The following CHD8 variants were observed in gnomAD, a reference collection of about 807,000 sequenced individuals.
The protein encoded by CHD8 is ATP-dependent chromatin remodeler CHD8.
CHD8 carries 31 observed loss-of-function variants against 279.2 expected under a neutral mutation model. The ratio of observed to expected loss-of-function variants is 0.11; its 90% confidence interval spans 0.08 to 0.15. CHD8 has a LOEUF of 0.15. Among genes scored for constraint, CHD8 ranks in the 10% least tolerant of loss-of-function variants. The pLI, the probability that CHD8 is intolerant of heterozygous loss-of-function variation, is 1.00. For missense variants in CHD8, 2,146 were observed against 3,230.5 expected (o/e 0.66, Z 8.14); for synonymous variants, 1,081 against 1,139.6 (o/e 0.95, Z 1.04).
chr14:21,453,889 C>CTCAT (rs1890314585), intron 1 of CHD8, among the ~76,000 whole-genome samples: 1 of 151,794 alleles, frequency 6.6e-6, no homozygotes, highest in Admixed American at 6.5e-5. Flanking sequence ...AGAAAAGTGG[C>CTCAT]TCATGCCTGT....
chr14:21,441,103 T>C (rs554070450), intron 1 of CHD8, among the ~76,000 whole-genome samples: 1 of 152,294 alleles, frequency 6.6e-6, no homozygotes, highest in South Asian at 2.1e-4. Context: ...TGGATACTCC[T>C]GCTGGGGAAG....
Position 21,387,439 on chromosome 14 carries a change from C to G in CHD8, c.7183-1263G>C, listed in dbSNP as rs183235425. Among the ~76,000 whole-genome samples the G allele has an allele frequency of 1.6e-3, 248 of 152,024 alleles. 4 individuals are homozygous for G. The highest frequency in any genetic ancestry group is 0.013 in the Admixed American group (191 of 15,262). On this transcript the variant is annotated intron_variant, in intron 37 of 37. Transcript: ENST00000646647. ...CCTGAGGTTGGGAGTTCGAGACCAG[C>G]CTGACCAACATGGAGAAACCCCATC... is the stretch of plus-strand genomic sequence containing the variant.
chr14:21,408,685 G>T lies in CHD8; in HGVS notation c.2486+19C>A. ...TCCCAGAACTAAGCTTACATCTTATGGCCCATTCTTTCCTTTACCTGTTAT... is the reference window on the plus strand; with the variant it reads ...TCCCAGAACTAAGCTTACATCTTATTGCCCATTCTTTCCTTTACCTGTTAT... On this transcript the variant is annotated intron_variant, in intron 12 of 37. Transcript: ENST00000646647. The surrounding 1 kb of genome is among the most constrained non-coding windows in gnomAD (Gnocchi z 4.3). 2 of 1,606,464 alleles carry T rather than the reference G, an allele frequency of 1.2e-6. No homozygotes were observed. Among genetic ancestry groups the T allele is most frequent in the Non-Finnish European group, 1.7e-6 (2 of 1,176,402 alleles).
Position 21,393,154 on chromosome 14 carries a change from A to T in CHD8, c.6420T>A (p.Pro2140=), listed in dbSNP as rs1438955491. The T allele has an allele frequency of 6.2e-7, 1 of 1,613,946 alleles. No homozygotes were observed. The highest frequency in any genetic ancestry group is 1.3e-5 in the African/African-American group (1 of 75,032). Residue 2140 remains proline, a synonymous_variant, in exon 33 of 38, where the codon CCT becomes CCA. Coordinates refer to ENST00000646647, the MANE Select transcript of CHD8 (RefSeq NM_001170629.2). ...FPNEDGEQMT[P]ELLLLQERQR... ...GTCTTTCCTGCAGTAGCAGAAGCTC[A>T]GGGGTCATTTGTTCTCCATCTTCAT...
In CHD8 at chr14:21,427,677, G is replaced by A. The variant is rs956980415; in HGVS notation, c.1601+192C>T. 5.4e-6 allele frequency: 8 copies of A among 1,484,070 alleles called. No homozygotes were observed. The East Asian group carries it at 1.9e-4, about 35-fold the overall frequency. The allele number at this position is 1,484,070 out of a possible 1,614,324, so 91.9% of individuals were successfully genotyped here. On this transcript the variant is annotated intron_variant, in intron 4 of 37. Transcript: ENST00000646647. Reference sequence around the variant, plus strand: ...CTCAAATGTCCCATCCCAATAGCAAGGAGTACTCACTTGAGCTTACTCTTG... The same window carrying A: ...CTCAAATGTCCCATCCCAATAGCAAAGAGTACTCACTTGAGCTTACTCTTG...
intron 1 of CHD8, among the ~76,000 whole-genome samples, chr14:21,441,655 A>G (rs61973190): frequency 0.034 from 5,136 of 151,936 alleles, 86 homozygotes; most frequent in African/African-American, 0.039. Context: ...TTGGGAGGCC[A>G]AGGCGGGCAT....
chr14:21,398,870 A>G (rs1485973593), intron 26 of CHD8: 1 of 248,492 alleles, frequency 4.0e-6, no homozygotes, highest in Admixed American at 5.1e-5. Flanking sequence ...ACATGTAGAA[A>G]AACAGAAGAT....
Position 21,435,159 on chromosome 14 carries a change from C to T in CHD8, c.-215-3301G>A, listed in dbSNP as rs116509559. On this transcript the variant is annotated intron_variant, in intron 1 of 37. Coordinates refer to ENST00000646647, the MANE Select transcript of CHD8 (RefSeq NM_001170629.2). Reference sequence around the variant, plus strand: ...TTAGTGGTTGTACTTAGTCACTTTCCATAATTACAAACTAATGACCAGAAT... The same window carrying T: ...TTAGTGGTTGTACTTAGTCACTTTCTATAATTACAAACTAATGACCAGAAT... Among the ~76,000 whole-genome samples, 295 of 152,270 alleles carry T rather than the reference C, an allele frequency of 1.9e-3. 1 individual carries two copies. The highest frequency in any genetic ancestry group is 6.7e-3 in the African/African-American group (278 of 41,546).
At chr14:21,438,437 G>A (rs530115242) in intron 1 of CHD8, among the ~76,000 whole-genome samples, 1 of 150,362 alleles carries the variant, frequency 6.7e-6, no homozygotes, top group African/African-American at 2.4e-5. Flanking sequence ...CACTTAGAGA[G>A]GCCGAGGTGG....
intron 1 of CHD8, among the ~76,000 whole-genome samples, chr14:21,436,582 T>A (rs557831160): frequency 6.6e-6 from 1 of 152,336 alleles, no homozygotes; most frequent in South Asian, 2.1e-4. Context: ...ATTTTCTCTG[T>A]CTTCACCATT....
At chr14:21,418,782 C>G (rs1888872706) in intron 5 of CHD8, among the ~76,000 whole-genome samples, 1 of 152,234 alleles carries the variant, frequency 6.6e-6, no homozygotes, top group South Asian at 2.1e-4. Flanking sequence ...CGCCACTGCA[C>G]TCCAGTCCAG....
At chr14:21,390,896 A>T in intron 37 of CHD8, 51 bp downstream of exon 37, 1 of 865,164 alleles carries the variant, frequency 1.2e-6, no homozygotes. Context: ...AAAGACTTGT[A>T]ATCTCACATC....
intron 37 of CHD8, among the ~76,000 whole-genome samples, chr14:21,389,601 A>C (rs1887437576): frequency 6.6e-6 from 1 of 152,148 alleles, no homozygotes; most frequent in Non-Finnish European, 1.5e-5. Flanking sequence ...ACAGGGCAAG[A>C]CTCTGTCTCA....
intron 1 of CHD8, among the ~76,000 whole-genome samples, chr14:21,438,528 A>G (rs76736758): frequency 4.7e-5 from 7 of 150,110 alleles, no homozygotes; most frequent in African/African-American, 7.4e-5. Context: ...AAAAAAAAAA[A>G]AAAGAAAGAA....
In CHD8 at chr14:21,403,332, G is replaced by A. The variant is rs544274043; in HGVS notation, c.3519-120C>T. ...AGCTGGTCAAAAACCCAAGTTGAGA[G>A]TGAGAATCTTAAAAACTTCTCTTAT... On this transcript the variant is annotated intron_variant, in intron 17 of 37. Coordinates refer to ENST00000646647, the MANE Select transcript of CHD8 (RefSeq NM_001170629.2). The surrounding 1 kb of genome is among the most constrained non-coding windows in gnomAD (Gnocchi z 4.3). The A allele has an allele frequency of 3.9e-6, 5 of 1,266,148 alleles. No individual in the cohort carries two copies. The South Asian group carries it at 4.2e-5, about 11-fold the overall frequency. 78.4% of individuals were successfully genotyped at this position (1,266,148 alleles called of 1,614,324 possible).
At chr14:21,412,884 T>C in intron 10 of CHD8, 29 bp downstream of exon 10, 2 of 1,372,704 alleles carry the variant, frequency 1.5e-6, no homozygotes, top group Non-Finnish European at 2.1e-6. Context: ...AAGAGGATGT[T>C]CACGTTACTC....
chr14:21,455,170 A>T (rs1890354884), intron 1 of CHD8: 1 of 152,218 alleles, frequency 6.6e-6, no homozygotes. Context: ...CAGAGTTCTA[A>T]ATCTTTGACT....
intron 1 of CHD8, among the ~76,000 whole-genome samples, chr14:21,450,669 CAAAAACAG>C (rs1368403573): frequency 6.7e-6 from 1 of 148,594 alleles, no homozygotes; most frequent in Non-Finnish European, 1.5e-5. Context: ...TAAAAAAAAA[CAAAAACAG>C]AAAAAAAGAA....
chr14:21,422,707 C>T (rs1222553139), intron 5 of CHD8, among the ~76,000 whole-genome samples: 2 of 152,268 alleles, frequency 1.3e-5, no homozygotes, highest in South Asian at 2.1e-4. Flanking sequence ...GCGGGTGGAT[C>T]GCTTGAGGTC....
Sources: gnomAD v4.1 joint callset for allele counts (sites outside exome capture counted in the v4.1 genomes callset) on GRCh38, gnomAD v4.1.1 for gene constraint, Gnocchi (gnomAD v3.1) non-coding constraint, MANE v1.5 for transcripts, NCBI Gene and HGNC (gene_info 2026-07-23, HGNC 2026-07-21) for gene names.